The following TBCCD1 variants were observed in gnomAD, a reference collection of about 807,000 sequenced individuals.
TBCCD1 encodes TBCC domain-containing protein 1.
Under a neutral mutation model 53.4 loss-of-function variants are expected in TBCCD1, and 26 were observed. That is an observed-to-expected ratio of 0.49 (90% CI 0.36 to 0.68). The LOEUF (loss-of-function observed/expected upper bound fraction) is 0.68, where lower values mean the gene tolerates loss of function less well. Ranked by LOEUF, TBCCD1 falls within the 30% of genes least tolerant of loss-of-function variation. The probability of loss-of-function intolerance (pLI) is 0.00; values close to 1 mark genes in which losing one functional copy is unlikely to be tolerated. For missense variants in TBCCD1, 558 were observed against 669.5 expected (o/e 0.83, Z 1.84); for synonymous variants, 245 against 241.7 (o/e 1.01, Z -0.13).
intron 2 of TBCCD1, among the ~76,000 whole-genome samples, chr3:186,561,795 A>C (rs7625541): frequency 6.6e-6 from 1 of 152,186 alleles, no homozygotes; most frequent in Non-Finnish European, 1.5e-5. Flanking sequence ...TCTCAAAAAA[A>C]AAATAAATAA....
chr3:186,568,536 G>T (rs58985539), upstream of TBCCD1, among the ~76,000 whole-genome samples: 41,165 of 151,802 alleles, frequency 0.27, 7,118 homozygotes, highest in African/African-American at 0.49. Context: ...ATACAGCTGT[G>T]AACAGAACAA....
intron 7 of TBCCD1, among the ~76,000 whole-genome samples, chr3:186,547,747 C>T (rs1714255103): frequency 6.6e-6 from 1 of 151,944 alleles, no homozygotes; most frequent in Non-Finnish European, 1.5e-5. Flanking sequence ...GCTGGGACTA[C>T]AGGCACCTGC....
upstream of TBCCD1, chr3:186,570,499 A>G: frequency 2.0e-6 from 1 of 492,510 alleles, no homozygotes; most frequent in South Asian, 3.6e-5. Flanking sequence ...GACTCGCGGT[A>G]GCTCAGGCAG....
Position 186,558,402 on chromosome 3 carries a change from A to G in TBCCD1, c.492+15T>C, listed in dbSNP as rs777031131. On this transcript the variant is annotated intron_variant, in intron 3 of 7. Coordinates refer to ENST00000338733, the MANE Select transcript of TBCCD1 (RefSeq NM_018138.5). Reference sequence around the variant, plus strand: ...TTGTCCCTTTTAGAGAATGAGATCAAGATATAAGGAGTACCTTATTATGAC... The same window carrying G: ...TTGTCCCTTTTAGAGAATGAGATCAGGATATAAGGAGTACCTTATTATGAC... 1.2e-6 allele frequency: 2 copies of G among 1,608,506 alleles called. No homozygotes were observed. Among genetic ancestry groups the G allele is most frequent in the African/African-American group, 2.7e-5 (2 of 74,688 alleles).
Position 186,554,360 on chromosome 3 carries a change from T to C in TBCCD1, c.1438A>G (p.Thr480Ala). Residue 480 changes from threonine to alanine, a missense_variant, in exon 6 of 8, where the codon ACA (threonine) becomes GCA (alanine). Thr to Ala is a moderately conservative substitution (Grantham distance 58). Transcript: ENST00000338733. ...IIPFEMEGDT[T>A]EIPGGLPSVY... ...GATGGAAGACCCCCGGGTATCTCTG[T>C]TGTGTCCCCTTCCATTTCAAAGGGA... is the stretch of plus-strand genomic sequence containing the variant. 1 of 1,614,248 alleles carries C rather than the reference T, an allele frequency of 6.2e-7. No homozygotes were observed. Among genetic ancestry groups the C allele is most frequent in the Non-Finnish European group, 8.5e-7 (1 of 1,180,044 alleles).
In TBCCD1 at chr3:186,558,406, A is replaced by C. The variant is rs1488815060; in HGVS notation, c.492+11T>G. The C allele has an allele frequency of 6.2e-7, 1 of 1,612,424 alleles. No homozygotes were observed. Among genetic ancestry groups the C allele is most frequent in the Non-Finnish European group, 8.5e-7 (1 of 1,179,562 alleles). ...CCCTTTTAGAGAATGAGATCAAGAT[A>C]TAAGGAGTACCTTATTATGACAATT... On this transcript the variant is annotated intron_variant, in intron 3 of 7. Coordinates refer to ENST00000338733, the MANE Select transcript of TBCCD1 (RefSeq NM_018138.5).
In TBCCD1 at chr3:186,554,743, G is replaced by A. The variant is rs1301359220; in HGVS notation, c.1055C>T (p.Thr352Ile). ...GATGCTATTCCTGCACTTCTCAATT[G>A]TCACAGATCTGAAAAAAGGAAAAAA... is the stretch of plus-strand genomic sequence containing the variant. ...IYLLSPLRSV[T>I]IEKCRNSIFV... Residue 352 changes from threonine (T) to isoleucine (I), a missense_variant, in exon 6 of 8, where the codon ACA becomes ATA. By Grantham distance (89) the Thr-to-Ile change is moderately conservative. Transcript: ENST00000338733. The A allele has an allele frequency of 1.2e-6, 2 of 1,610,924 alleles. No individual in the cohort carries two copies. The highest frequency in any genetic ancestry group is 2.7e-5 in the African/African-American group (2 of 74,586).
intron 7 of TBCCD1, among the ~76,000 whole-genome samples, chr3:186,550,835 C>G (rs1247893020): frequency 6.6e-6 from 1 of 152,062 alleles, no homozygotes; most frequent in Non-Finnish European, 1.5e-5. Flanking sequence ...AAACTTAGAA[C>G]TATGTATGGG....
At chr3:186,548,367 T>A (rs577706842) in intron 7 of TBCCD1, among the ~76,000 whole-genome samples, 1 of 152,202 alleles carries the variant, frequency 6.6e-6, no homozygotes, top group South Asian at 2.1e-4. Context: ...AATGTAGGGG[T>A]TGGAGGAATA....
chr3:186,564,405 G>A, intron 1 of TBCCD1, 33 bp from the exon 2 acceptor site: 1 of 1,407,730 alleles, frequency 7.1e-7, no homozygotes, highest in Non-Finnish European at 9.6e-7. Flanking sequence ...AAACTGATTT[G>A]AAACAAGTCT....
chr3:186,567,923 G>GC (rs1714886862), upstream of TBCCD1, among the ~76,000 whole-genome samples: 1 of 152,192 alleles, frequency 6.6e-6, no homozygotes, highest in Non-Finnish European at 1.5e-5. Flanking sequence ...CCTTCATGAA[G>GC]CTTTTTCAGA....
chr3:186,564,517 C>G (rs1714773578), intron 1 of TBCCD1, 145 bp from the exon 2 acceptor site: 2 of 547,846 alleles, frequency 3.7e-6, no homozygotes, highest in Non-Finnish European at 6.2e-6. Context: ...CAACCAAGAG[C>G]AGAACAGTTT....
chr3:186,567,800 C>G (rs1484688509), upstream of TBCCD1, among the ~76,000 whole-genome samples: 1 of 152,214 alleles, frequency 6.6e-6, no homozygotes, highest in Admixed American at 6.5e-5. Flanking sequence ...CCTAAGGTCA[C>G]ACAAGAGATG....
chr3:186,564,217 G>C lies in TBCCD1; in HGVS notation c.113C>G (p.Thr38Ser). ...FSLHYLRKIS[T>S]YVQIRATEGA... ...TTCTGTGGCCCGGATTTGCACATAG[G>C]TGGATATCTTCCTGAGATAGTGAAG... Residue 38 changes from threonine (T) to serine (S), a missense_variant, in exon 2 of 8, where the codon ACC becomes AGC. By Grantham distance (58) the Thr-to-Ser change is moderately conservative. Coordinates refer to ENST00000338733, the MANE Select transcript of TBCCD1 (RefSeq NM_018138.5). 6.2e-7 allele frequency: 1 copy of C among 1,614,194 alleles called. No homozygotes were observed. The highest frequency in any genetic ancestry group is 8.5e-7 in the Non-Finnish European group (1 of 1,180,040).
At position 186,564,214 on chromosome 3, in the gene TBCCD1, T is replaced by C. The variant is rs780744169; in HGVS notation, c.116A>G (p.Tyr39Cys). 3 of 1,614,106 alleles carry C rather than the reference T, an allele frequency of 1.9e-6. No homozygotes were observed. The highest frequency in any genetic ancestry group is 2.2e-5 in the East Asian group (1 of 44,878). ...SLHYLRKIST[Y>C]VQIRATEGAY... Reference sequence around the variant, plus strand: ...TCCTTCTGTGGCCCGGATTTGCACATAGGTGGATATCTTCCTGAGATAGTG... The same window carrying C: ...TCCTTCTGTGGCCCGGATTTGCACACAGGTGGATATCTTCCTGAGATAGTG... The change falls in exon 2 of 8, where the codon TAT (tyrosine) becomes TGT (cysteine). Residue 39 changes from tyrosine to cysteine, a missense_variant. Transcript: ENST00000338733.
Position 186,558,463 on chromosome 3 carries a change from T to C in TBCCD1, c.446A>G (p.Lys149Arg), listed in dbSNP as rs7619912. The C allele has an allele frequency of 9.0e-3, 14,560 of 1,614,116 alleles. 1,063 individuals are homozygous for C. In the African/African-American group the frequency reaches 0.17, roughly 18 times the overall value. The stretch of plus-strand genomic sequence containing the variant: ...TTCAGTCAGGTCAGGAGACTGAGAT[T>C]TGTTTCTGGGACTGGGCCACTCTTC... Reference protein sequence around the residue: ...IGEEWPSPRNKSQSPDLTEKS... With the variant: ...IGEEWPSPRNRSQSPDLTEKS... Residue 149 changes from lysine (K) to arginine (R), a missense_variant, in exon 3 of 8, where the codon AAA becomes AGA. Physicochemically the swap from Lys to Arg is conservative, Grantham distance 26. Transcript: ENST00000338733.
chr3:186,548,053 C>T (rs903021966), intron 7 of TBCCD1, among the ~76,000 whole-genome samples: 22 of 152,134 alleles, frequency 1.4e-4, no homozygotes, highest in African/African-American at 4.6e-4. Flanking sequence ...CAAATGTCTA[C>T]ACAAAAACTT....
upstream of TBCCD1, among the ~76,000 whole-genome samples, chr3:186,568,923 G>A (rs74546531): frequency 0.094 from 10,487 of 112,102 alleles, 591 homozygotes; most frequent in African/African-American, 0.18. Flanking sequence ...AAGAAATAAA[G>A]AAAAGAAAAC....
upstream of TBCCD1, among the ~76,000 whole-genome samples, chr3:186,567,866 C>T (rs1714884671): frequency 6.6e-6 from 1 of 152,240 alleles, no homozygotes; most frequent in Non-Finnish European, 1.5e-5. Context: ...CCTGCCGCCC[C>T]TCGGTGTCAG....
Sources: gnomAD v4.1 joint callset for allele counts (sites outside exome capture counted in the v4.1 genomes callset) on GRCh38, gnomAD v4.1.1 for gene constraint, MANE v1.5 for transcripts, NCBI Gene and HGNC (gene_info 2026-07-23, HGNC 2026-07-21) for gene names.